The following WDR41 variants were observed in gnomAD, a reference collection of about 807,000 sequenced individuals.
The protein encoded by WDR41 is WD repeat domain 41.
Under a neutral mutation model 69.3 loss-of-function variants are expected in WDR41, and 63 were observed. The observed-to-expected ratio is 0.91, with a 90% CI of 0.74 to 1.12. The LOEUF is 1.12. Ranked by LOEUF, WDR41 falls within the 50% of genes most tolerant of loss-of-function variation. WDR41 has a pLI of 0.00. For missense variants in WDR41, 543 were observed against 534.5 expected, an observed-to-expected ratio of 1.02 and a Z score of -0.16; for synonymous variants, 185 against 192.1, an observed-to-expected ratio of 0.96 and a Z score of 0.31.
chr5:77,496,245 C>G (rs1251269891), upstream of WDR41, among the ~76,000 whole-genome samples: 2 of 152,030 alleles, frequency 1.3e-5, no homozygotes, highest in African/African-American at 4.8e-5. Flanking sequence ...CTCTTCAACA[C>G]TGTATTGGAA....
rs568414030 is a variant in WDR41 at position 77,469,912 on chromosome 5, C to T, written c.168-5103G>A. On this transcript the variant is annotated intron_variant, in intron 2 of 12. Transcript: ENST00000296679. ...AGCAAGGCAGGCCAACATTCAGATT[C>T]AGGAAATACAGAGAACGCCACAAAG... Among the ~76,000 whole-genome samples the T allele has an allele frequency of 5.3e-5, 8 of 152,056 alleles. No homozygotes were observed. In the East Asian group the frequency reaches 1.4e-3, roughly 26 times the overall value.
upstream of WDR41, chr5:77,492,357 G>A: frequency 8.6e-7 from 1 of 1,163,114 alleles, no homozygotes; most frequent in Non-Finnish European, 1.2e-6. Flanking sequence ...CCCACGGGCC[G>A]AAGGAATGCA....
In WDR41 at chr5:77,530,376, T is replaced by C. The variant is rs185039054; in HGVS notation, c.43-40804A>G. 1.1e-3 allele frequency among the ~76,000 whole-genome samples: 164 copies of C among 151,758 alleles called. 1 individual carries two copies. The highest frequency in any genetic ancestry group is 3.8e-3 in the African/African-American group (156 of 41,518). The stretch of plus-strand genomic sequence containing the variant: ...CCCTGGACTGGAAATAACCCAGGTG[T>C]CCAACAATAGAAGAATAGACAAACA... On this transcript the variant is annotated intron_variant, in intron 1 of 5. Coordinates refer to the WDR41 transcript ENST00000509971.
chr5:77,512,361 T>A (rs879734342), intron 1 of WDR41, among the ~76,000 whole-genome samples: 57,412 of 106,654 alleles, frequency 0.54, 13,327 homozygotes, highest in African/African-American at 0.64. Flanking sequence ...AGTGAGTGTG[T>A]GTGTGTGTGT....
intron 10 of WDR41, 115 bp from the exon 11 acceptor site, chr5:77,437,539 G>C: frequency 1.1e-6 from 1 of 894,140 alleles, no homozygotes; most frequent in Non-Finnish European, 1.8e-6. Flanking sequence ...GCTCTTAGCA[G>C]GAACTGACAA....
chr5:77,469,492 G>A (rs1800464329), intron 2 of WDR41, among the ~76,000 whole-genome samples: 1 of 152,050 alleles, frequency 6.6e-6, no homozygotes, highest in Non-Finnish European at 1.5e-5. Flanking sequence ...TAAATCTACA[G>A]ACTTAATCCA....
At chr5:77,467,637 GC>G (rs1246313907) in intron 2 of WDR41, among the ~76,000 whole-genome samples, 2 of 151,884 alleles carry the variant, frequency 1.3e-5, no homozygotes, top group African/African-American at 4.8e-5. Context: ...TTATAACATG[GC>G]ACTTGCCAGT....
At position 77,441,002 on chromosome 5, in the gene WDR41, GC is replaced by G. The variant is rs1200786374; in HGVS notation, c.698-6del. ...AGCCGGTGACAAAACTCAAATCTAG[GC>G]AAAGTTCACATATGCCTCATTATCG... is the stretch of plus-strand genomic sequence containing the variant. On this transcript the variant is annotated splice_region_variant and splice_polypyrimidine_tract_variant and intron_variant, in intron 8 of 12. Transcript: ENST00000296679. 6.2e-7 allele frequency: 1 copy of G among 1,612,876 alleles called. No individual in the cohort carries two copies. Among genetic ancestry groups the G allele is most frequent in the Admixed American group, 1.7e-5 (1 of 59,926 alleles).
chr5:77,564,800 T>G (rs1245623528), intron 1 of WDR41, among the ~76,000 whole-genome samples: 1 of 152,148 alleles, frequency 6.6e-6, no homozygotes, highest in African/African-American at 2.4e-5. Flanking sequence ...GAATATGCAC[T>G]GTTAAGTGAA....
intron 1 of WDR41, among the ~76,000 whole-genome samples, chr5:77,616,019 T>C (rs12657419): frequency 4.0e-5 from 6 of 151,014 alleles, no homozygotes; most frequent in African/African-American, 1.5e-4. Flanking sequence ...ATAAATAAAT[T>C]AATTAATTAA....
intron 1 of WDR41, among the ~76,000 whole-genome samples, chr5:77,587,618 T>C (rs776541956): frequency 4.3e-4 from 66 of 152,372 alleles, no homozygotes; most frequent in Middle Eastern, 6.8e-3. Context: ...AGCACTGTTA[T>C]GGACTGAATT....
chr5:77,532,466 C>T (rs1048326070), intron 1 of WDR41, among the ~76,000 whole-genome samples: 1 of 152,000 alleles, frequency 6.6e-6, no homozygotes, highest in Non-Finnish European at 1.5e-5. Context: ...CCAACATAAA[C>T]GAGTGTACAT....
chr5:77,556,727 T>C (rs1358715212), intron 1 of WDR41, among the ~76,000 whole-genome samples: 1 of 152,206 alleles, frequency 6.6e-6, no homozygotes, highest in African/African-American at 2.4e-5. Context: ...GATATCAAGA[T>C]TGTTGATACC....
At chr5:77,437,478 G>A (rs1798989233) in intron 10 of WDR41, 54 bp from the exon 11 acceptor site, 2 of 1,470,490 alleles carry the variant, frequency 1.4e-6, no homozygotes, top group Admixed American at 1.7e-5. Flanking sequence ...GAGGGCCAAT[G>A]CTAAATTTGC....
At chr5:77,451,583 G>C in intron 6 of WDR41, 1 of 436,712 alleles carries the variant, frequency 2.3e-6, no homozygotes. Context: ...ATATGGGGTT[G>C]GGTTTTTTTG....
At chr5:77,596,915 C>T (rs530993390) in intron 1 of WDR41, among the ~76,000 whole-genome samples, 34 of 151,668 alleles carry the variant, frequency 2.2e-4, no homozygotes, top group Admixed American at 9.2e-4. Context: ...CTCAGGAGTT[C>T]GAGACCAGCC....
chr5:77,464,662 G>C, intron 3 of WDR41, 99 bp downstream of exon 3: 1 of 1,189,788 alleles, frequency 8.4e-7, no homozygotes, highest in Non-Finnish European at 1.2e-6. Context: ...TCAATTAACA[G>C]TGATATGTAA....
At chr5:77,582,275 A>C (rs1385412022) in intron 1 of WDR41, 1 of 1,140,274 alleles carries the variant, frequency 8.8e-7, no homozygotes, top group Non-Finnish European at 1.3e-6. Context: ...CAAATTACCA[A>C]CTCTGGCTCA....
chr5:77,472,976 CA>C (rs1010668878), intron 2 of WDR41, among the ~76,000 whole-genome samples: 6 of 152,098 alleles, frequency 3.9e-5, no homozygotes, highest in Admixed American at 3.9e-4. Flanking sequence ...AGTCCTAAGC[CA>C]AAAGAACCAA....
Sources: gnomAD v4.1 joint callset for allele counts (sites outside exome capture counted in the v4.1 genomes callset) on GRCh38, gnomAD v4.1.1 for gene constraint, MANE v1.5 for transcripts, NCBI Gene and HGNC (gene_info 2026-07-23, HGNC 2026-07-21) for gene names.